The following SLC25A13 variants were observed in gnomAD, a reference collection of about 807,000 sequenced individuals.
The protein encoded by SLC25A13 is solute carrier family 25 member 13, also known as electrogenic aspartate/glutamate antiporter SLC25A13, mitochondrial.
Under a neutral mutation model 85.5 loss-of-function variants are expected in SLC25A13, and 70 were observed. The ratio of observed to expected loss-of-function variants is 0.82; its 90% CI spans 0.68 to 1.00. SLC25A13 has a LOEUF of 1.00. Ranked by LOEUF, SLC25A13 falls within the 50% of genes least tolerant of loss-of-function variation. The pLI, the probability that SLC25A13 is intolerant of heterozygous loss-of-function variation, is 0.00. For missense variants in SLC25A13, 765 were observed against 819.8 expected, an observed-to-expected ratio of 0.93 and a Z score of 0.82; for synonymous variants, 259 against 288.7, an observed-to-expected ratio of 0.90 and a Z score of 1.04.
rs541447198 is a variant in SLC25A13, at chr7:96,148,348, G to A, written c.1312-1652C>T. The stretch of plus-strand genomic sequence containing the variant: ...AACAGCTCTGTTTTGCTCAGATGCT[G>A]CTGCTGCAACCTGCAGGTCCATGAG... On this transcript the variant is annotated intron_variant, in intron 13 of 17. Coordinates refer to ENST00000265631, the MANE Select transcript of SLC25A13 (RefSeq NM_014251.3). 1.4e-4 allele frequency among the ~76,000 whole-genome samples: 22 copies of A among 152,332 alleles called. No homozygotes were observed. The East Asian group carries it at 3.9e-3, about 27-fold the overall frequency.
chr7:96,189,566 A>C lies in SLC25A13; in HGVS notation c.848+15T>G, dbSNP rs779039067. ...TAAGCTAATTCCAAAAAAAAAAAAA[A>C]AAAAGCCAACTTACCCCCTTGGCTC... On this transcript the variant is annotated intron_variant, in intron 8 of 17. Coordinates refer to ENST00000265631, the MANE Select transcript of SLC25A13 (RefSeq NM_014251.3). The C allele has an allele frequency of 1.2e-6, 2 of 1,606,438 alleles. No individual in the cohort carries two copies. Among genetic ancestry groups the C allele is most frequent in the Admixed American group, 3.4e-5 (2 of 58,794 alleles).
chr7:96,227,199 A>G (rs1021298074), intron 4 of SLC25A13, among the ~76,000 whole-genome samples: 7 of 152,220 alleles, frequency 4.6e-5, no homozygotes, highest in African/African-American at 1.7e-4. Context: ...GCATCTTTAG[A>G]TAACAAATAA....
At chr7:96,315,426 G>A (rs1800094515) in intron 1 of SLC25A13, among the ~76,000 whole-genome samples, 1 of 152,188 alleles carries the variant, frequency 6.6e-6, no homozygotes, top group African/African-American at 2.4e-5. Context: ...CAGTCCAGAA[G>A]ACTTCAGTAT....
chr7:96,203,029 A>G (rs541105365), intron 5 of SLC25A13, among the ~76,000 whole-genome samples: 1 of 152,294 alleles, frequency 6.6e-6, no homozygotes, highest in South Asian at 2.1e-4. Context: ...TCTTGGCTTA[A>G]AAAGCAACCA....
At chr7:96,195,223 A>T (rs905919818) in intron 5 of SLC25A13, among the ~76,000 whole-genome samples, 7 of 152,168 alleles carry the variant, frequency 4.6e-5, no homozygotes, top group Non-Finnish European at 8.8e-5. Flanking sequence ...CCAGTGCTCA[A>T]ACCTGGTCTC....
At chr7:96,153,852 A>G (rs919001862) in intron 13 of SLC25A13, among the ~76,000 whole-genome samples, 2 of 152,216 alleles carry the variant, frequency 1.3e-5, no homozygotes, top group Non-Finnish European at 1.5e-5. Context: ...ACATATTTTT[A>G]TTCTTTTACA....
intron 3 of SLC25A13, among the ~76,000 whole-genome samples, chr7:96,252,684 C>G (rs561145245): frequency 1.3e-5 from 2 of 152,252 alleles, no homozygotes; most frequent in South Asian, 4.1e-4. Flanking sequence ...GGGTAAGAGG[C>G]AAGTGTGTTA....
intron 1 of SLC25A13, among the ~76,000 whole-genome samples, chr7:96,308,722 T>A (rs1306300522): frequency 6.6e-6 from 1 of 152,034 alleles, no homozygotes; most frequent in Non-Finnish European, 1.5e-5. Context: ...GATAAATATT[T>A]GACATAACAA....
intron 2 of SLC25A13, among the ~76,000 whole-genome samples, chr7:96,294,023 A>G (rs1271627488): frequency 6.6e-6 from 1 of 151,960 alleles, no homozygotes; most frequent in African/African-American, 2.4e-5. Flanking sequence ...AAGACTTGGA[A>G]CCAACCCAAA....
chr7:96,162,320 TG>T (rs1793538741), intron 13 of SLC25A13, among the ~76,000 whole-genome samples: 1 of 152,200 alleles, frequency 6.6e-6, no homozygotes, highest in African/African-American at 2.4e-5. Context: ...TCATAAGGAA[TG>T]GTGACTTTGA....
rs754985592 is a variant in SLC25A13 at position 96,146,608 on chromosome 7, C to T, written c.1400G>A (p.Arg467Gln). Residue 467 changes from arginine (R) to glutamine (Q), a missense_variant, in exon 14 of 18, where the codon CGA (arginine) becomes CAA (glutamine). Transcript: ENST00000265631. The part of the protein sequence containing the change: ...QVAGEITTGP[R>Q]VSALSVVRDL... ...CCGCACGACAGACAGAGCACTGACTCGAGGACCAGTGGTGATTTCTCCTGC... is the reference window on the plus strand; with the variant it reads ...CCGCACGACAGACAGAGCACTGACTTGAGGACCAGTGGTGATTTCTCCTGC... 18 of 1,613,754 alleles carry T rather than the reference C, an allele frequency of 1.1e-5. No individual in the cohort carries two copies. The highest frequency in any genetic ancestry group is 2.2e-5 in the South Asian group (2 of 91,074).
Position 96,150,528 on chromosome 7 carries a change from C to T in SLC25A13, c.1312-3832G>A, listed in dbSNP as rs138711738. 9.9e-3 allele frequency among the ~76,000 whole-genome samples: 1,500 copies of T among 152,132 alleles called. 19 individuals are homozygous for T. Among genetic ancestry groups the T allele is most frequent in the African/African-American group, 0.034 (1,401 of 41,502 alleles). On this transcript the variant is annotated intron_variant, in intron 13 of 17. Coordinates refer to ENST00000265631, the MANE Select transcript of SLC25A13 (RefSeq NM_014251.3). ...AAGTCATAGTTGAAGTCCTAACTCT[C>T]AAATATTTCAGAATGTGACTATAGT...
chr7:96,170,886 T>C (rs1490657010), intron 12 of SLC25A13, among the ~76,000 whole-genome samples: 2 of 152,228 alleles, frequency 1.3e-5, no homozygotes, highest in African/African-American at 2.4e-5. Context: ...ATCAACCATC[T>C]GTCAAATGTG....
chr7:96,285,915 A>G (rs1798867445), intron 2 of SLC25A13, among the ~76,000 whole-genome samples: 1 of 152,154 alleles, frequency 6.6e-6, no homozygotes, highest in African/African-American at 2.4e-5. Flanking sequence ...AACAAAACTG[A>G]CTTCCTAGAC....
intron 15 of SLC25A13, among the ~76,000 whole-genome samples, chr7:96,126,783 T>C (rs1791746571): frequency 6.6e-6 from 1 of 152,232 alleles, no homozygotes; most frequent in Admixed American, 6.5e-5. Context: ...CCTGACATTT[T>C]AAGGTATTTG....
intron 1 of SLC25A13, among the ~76,000 whole-genome samples, chr7:96,315,176 A>G (rs1264477713): frequency 6.6e-6 from 1 of 152,250 alleles, no homozygotes; most frequent in Non-Finnish European, 1.5e-5. Flanking sequence ...TCAAGAAAGA[A>G]GAGAAATTTG....
chr7:96,129,746 T>A (rs189581437), intron 15 of SLC25A13, among the ~76,000 whole-genome samples: 1 of 152,284 alleles, frequency 6.6e-6, no homozygotes, highest in East Asian at 1.9e-4. Flanking sequence ...CAAATACAGA[T>A]GGAGAAATGG....
intron 1 of SLC25A13, among the ~76,000 whole-genome samples, chr7:96,309,145 A>C (rs1030376867): frequency 3.9e-5 from 6 of 152,222 alleles, no homozygotes; most frequent in African/African-American, 1.4e-4. Flanking sequence ...AAGAGACAGG[A>C]TATCACCCTC....
At chr7:96,321,787 C>T (rs1319528589) in intron 1 of SLC25A13, among the ~76,000 whole-genome samples, 155 bp downstream of exon 1, 2 of 152,188 alleles carry the variant, frequency 1.3e-5, no homozygotes, top group Non-Finnish European at 2.9e-5. Flanking sequence ...GGAGGAGTGG[C>T]CCCCTCCCTC....
Sources: allele counts gnomAD v4.1 joint callset (sites outside exome capture counted in the v4.1 genomes callset), GRCh38; gene constraint gnomAD v4.1.1; transcripts MANE v1.5; gene names NCBI Gene and HGNC (gene_info 2026-07-23, HGNC 2026-07-21).